ERAP1: variants seen among roughly 807,000 people sequenced by gnomAD.
ERAP1 encodes the protein endoplasmic reticulum aminopeptidase 1, also known as adipocyte-derived leucine aminopeptidase.
ERAP1 carries 86 observed loss-of-function variants against 103.7 expected under a neutral mutation model. The ratio of observed to expected loss-of-function variants is 0.83; its 90% CI spans 0.70 to 0.99. The LOEUF (loss-of-function observed/expected upper bound fraction) is 0.99. Ranked by LOEUF, ERAP1 falls within the 50% of genes least tolerant of loss-of-function variation. ERAP1 has a pLI of 0.00. For synonymous variants in ERAP1, 398 were observed against 402.4 expected (o/e 0.99, Z 0.13); for missense variants, 1,009 against 1,128.4 (o/e 0.89, Z 1.52).
the ERAP1 span, chr5:96,883,986 C>T: frequency 1.3e-5 from 19 of 1,494,692 alleles, no homozygotes; most frequent in South Asian, 8.0e-5. Context: ...ACTCAGTCTT[C>T]GTTTGTTTTT....
the ERAP1 span, among the ~76,000 whole-genome samples, chr5:96,928,398 T>A: frequency 2.6e-5 from 4 of 152,078 alleles, no homozygotes; most frequent in East Asian, 1.9e-4. Flanking sequence ...CATACTGGAG[T>A]AGGGTGGGCT....
At chr5:96,910,467 T>TA in the ERAP1 span, among the ~76,000 whole-genome samples, 28 of 151,060 alleles carry the variant, frequency 1.9e-4, no homozygotes, top group East Asian at 9.7e-4. Flanking sequence ...AAAAAAAACT[T>TA]AAAAAAAAAC....
chr5:96,886,500 T>TACAGAATACTAGGAGAGGCC, the ERAP1 span, among the ~76,000 whole-genome samples: 18 of 152,206 alleles, frequency 1.2e-4, no homozygotes, highest in Non-Finnish European at 2.4e-4. Flanking sequence ...TAAGAGAGGC[T>TACAGAATACTAGGAGAGGCC]ACAGAATACT....
chr5:96,829,996 C>T, the ERAP1 span, among the ~76,000 whole-genome samples: 1 of 152,170 alleles, frequency 6.6e-6, no homozygotes, highest in Non-Finnish European at 1.5e-5. Context: ...TTAAAAGAAA[C>T]CTTATCAAAT....
At chr5:96,866,040 A>T in the ERAP1 span, among the ~76,000 whole-genome samples, 2 of 152,254 alleles carry the variant, frequency 1.3e-5, no homozygotes, top group Non-Finnish European at 2.9e-5. Flanking sequence ...CAATTGTAAC[A>T]TCTATTTGTA....
At chr5:96,869,982 A>C in the ERAP1 span, among the ~76,000 whole-genome samples, 1 of 152,246 alleles carries the variant, frequency 6.6e-6, no homozygotes, top group South Asian at 2.1e-4. Flanking sequence ...ATAAAAGTCT[A>C]AAAAGATAGT....
At chr5:96,802,578 A>C (rs1456969332) in intron 2 of ERAP1, among the ~76,000 whole-genome samples, 1 of 152,230 alleles carries the variant, frequency 6.6e-6, no homozygotes, top group East Asian at 1.9e-4. Context: ...AACTGAGCAT[A>C]AAATCTCCCC....
the ERAP1 span, chr5:96,913,516 A>G: frequency 6.4e-7 from 1 of 1,554,986 alleles, no homozygotes; most frequent in East Asian, 2.3e-5. Flanking sequence ...AGTTGCCTCA[A>G]ACCAAGTGTA....
chr5:96,776,592 A>C, intron 18 of ERAP1, 41 bp from the exon 19 acceptor site: 2 of 1,604,300 alleles, frequency 1.2e-6, no homozygotes, highest in Non-Finnish European at 1.7e-6. Flanking sequence ...TAATTTTATC[A>C]CATTAATCAG....
Position 96,790,577 on chromosome 5 carries a change from GTACAATACCACTTTTAAATGCGTCAGCA to G in ERAP1, c.1359_1386del (p.Ala454SerfsTer29). On this transcript the variant is annotated frameshift_variant, in exon 9 of 19. Transcript: ENST00000443439. LOFTEE classifies it high-confidence loss of function. ...TTATAGCTATGCTTCTGGAGATACT[GTACAATACCACTTTTAAATGCGTCAGCA>G]CTAAGATACTCCCTTAGCATATTCA... 1 of 1,612,710 alleles carries G rather than the reference GTACAATACCACTTTTAAATGCGTCAGCA, an allele frequency of 6.2e-7. No homozygotes were observed. Among genetic ancestry groups the G allele is most frequent in the Non-Finnish European group, 8.5e-7 (1 of 1,178,730 alleles).
rs1245091820 is a variant in ERAP1 at position 96,793,921 on chromosome 5, A to T, written c.956T>A (p.Met319Lys). ...ATATGTTGTCAGTCCCCAGTTTTCC[A>T]TAGCACCAGACTGAAAGTCGGGAAT... The part of the protein sequence containing the change: ...AAIPDFQSGA[M>K]ENWGLTTYRE... The change falls in exon 6 of 19, where the codon ATG (methionine) becomes AAG (lysine). Residue 319 changes from methionine to lysine, a missense_variant. By Grantham distance (95) the Met-to-Lys change is moderately conservative. This residue lies in a region of ERAP1 where 392 missense variants were observed against 455.2 expected (regional missense o/e 0.86). Coordinates refer to ENST00000443439, the MANE Select transcript of ERAP1 (RefSeq NM_001040458.3). 6.2e-7 allele frequency: 1 copy of T among 1,614,078 alleles called. No individual in the cohort carries two copies. Among genetic ancestry groups the T allele is most frequent in the African/African-American group, 1.3e-5 (1 of 74,934 alleles).
chr5:96,892,485 C>G, the ERAP1 span: 3 of 1,611,658 alleles, frequency 1.9e-6, no homozygotes, highest in African/African-American at 4.0e-5. Flanking sequence ...ATCTCGATAT[C>G]AGTTCAAAAT....
At chr5:96,896,338 A>C in the ERAP1 span, 2 of 1,559,736 alleles carry the variant, frequency 1.3e-6, no homozygotes, top group East Asian at 4.5e-5. Flanking sequence ...AGTGTCAAAT[A>C]GAAACTAAAA....
the ERAP1 span, chr5:96,880,289 CTTT>C: frequency 2.6e-6 from 4 of 1,561,496 alleles, no homozygotes; most frequent in Non-Finnish European, 2.6e-6. Flanking sequence ...AATTTACATT[CTTT>C]TGTGATAATT....
downstream of ERAP1, chr5:96,770,720 C>A: frequency 3.0e-6 from 2 of 676,392 alleles, no homozygotes; most frequent in Admixed American, 2.3e-5. Context: ...TCTTAAAGTA[C>A]TATCTATCCC....
At chr5:96,855,831 AG>A in the ERAP1 span, among the ~76,000 whole-genome samples, 1 of 152,208 alleles carries the variant, frequency 6.6e-6, no homozygotes, top group African/African-American at 2.4e-5. Context: ...ATGTAGGAGA[AG>A]GGAATTTTCA....
At chr5:96,895,000 G>C in the ERAP1 span, among the ~76,000 whole-genome samples, 25 of 152,034 alleles carry the variant, frequency 1.6e-4, 1 homozygote, top group South Asian at 5.2e-3. Flanking sequence ...TAGAATGAAA[G>C]TCGAAGAGTT....
At position 96,784,199 on chromosome 5, in the gene ERAP1, A is replaced by AAAT. The variant is rs1460252531; in HGVS notation, c.1944-122_1944-120dup. 8 of 1,131,166 alleles carry AAAT rather than the reference A, an allele frequency of 7.1e-6. No individual in the cohort carries two copies. The East Asian group carries it at 2.0e-4, about 28-fold the overall frequency. 70.1% of individuals were successfully genotyped at this position (1,131,166 alleles called of 1,614,324 possible). ...GCAATCAGATATAAATGTCCCTTAT[A>AAAT]AATAGATAACTACGGCCGGGCGCGG... On this transcript the variant is annotated intron_variant, in intron 13 of 18. Transcript: ENST00000443439.
chr5:96,912,641 C>T, the ERAP1 span: 3 of 1,605,336 alleles, frequency 1.9e-6, no homozygotes, highest in African/African-American at 2.7e-5. Context: ...TTACAGTATA[C>T]CAACAGATGT....
Sources: gnomAD v4.1 joint callset for allele counts (sites outside exome capture counted in the v4.1 genomes callset) on GRCh38, gnomAD v4.1.1 for gene constraint, gnomAD v4.1.1 regional missense constraint, MANE v1.5 for transcripts, NCBI Gene and HGNC (gene_info 2026-07-23, HGNC 2026-07-21) for gene names.